The following CDC25B variants were observed in gnomAD, a reference collection of about 807,000 sequenced individuals.
CDC25B encodes cell division cycle 25B.
In CDC25B, 33 loss-of-function variants were observed where a neutral mutation model predicts 69.8. The observed-to-expected ratio is 0.47, with a 90% confidence interval of 0.36 to 0.63. CDC25B has a LOEUF of 0.63. Ranked by LOEUF, CDC25B falls within the 30% of genes least tolerant of loss-of-function variation. The pLI is 0.00. For synonymous variants in CDC25B, 341 were observed against 314.6 expected, an observed-to-expected ratio of 1.08 and a Z score of -0.89; for missense variants, 727 against 809.1, an observed-to-expected ratio of 0.90 and a Z score of 1.23.
In CDC25B at chr20:3,801,362, G is replaced by C; in HGVS notation, c.814G>C (p.Val272Leu). ...GGATACTGAGGAAGATGATGGATTT[G>C]TGGACATCCTAGAGAGTGACTTAAA... ...EGDTEEDDGF[V>L]DILESDLKDD... The change falls in exon 8 of 16, where the codon GTG becomes CTG. Residue 272 changes from valine to leucine, a missense_variant. Transcript: ENST00000245960. 1 of 1,613,656 alleles carries C rather than the reference G, an allele frequency of 6.2e-7. No homozygotes were observed. The highest frequency in any genetic ancestry group is 8.5e-7 in the Non-Finnish European group (1 of 1,179,760).
intron 3 of CDC25B, among the ~76,000 whole-genome samples, 190 bp from the exon 4 acceptor site, chr20:3,800,098 C>G (rs2089218621): frequency 6.6e-6 from 1 of 152,104 alleles, no homozygotes. Context: ...TCCAAGCTGC[C>G]TCTTATCTTC....
chr20:3,792,316 C>A (rs775130183), upstream of CDC25B, among the ~76,000 whole-genome samples: 1 of 151,360 alleles, frequency 6.6e-6, no homozygotes, highest in East Asian at 2.0e-4. Context: ...GGCCATTGAA[C>A]TATTAATTTA....
chr20:3,796,785 C>G (rs2089072646), intron 1 of CDC25B, 54 bp downstream of exon 1: 1 of 1,507,992 alleles, frequency 6.6e-7, no homozygotes, highest in African/African-American at 1.4e-5. Context: ...GTCTGGAGTC[C>G]TGGGCCTCCT....
chr20:3,802,231 T>TG lies in CDC25B; in HGVS notation c.1099-44dup, dbSNP rs749024854. The TG allele has an allele frequency of 5.1e-6, 8 of 1,568,564 alleles. No individual in the cohort carries two copies. In the Admixed American group the frequency reaches 8.4e-5, roughly 16 times the overall value. ...AGGGGGTACCAGCCAGCCAGAGCACTGGGGGGCAGCCCCACCCTGACCCTG... is the reference window on the plus strand; with the variant it reads ...AGGGGGTACCAGCCAGCCAGAGCACTGGGGGGGCAGCCCCACCCTGACCCTG... On this transcript the variant is annotated intron_variant, in intron 10 of 15. Transcript: ENST00000245960.
At chr20:3,797,890 C>A in intron 2 of CDC25B, 141 bp downstream of exon 2, 1 of 1,019,528 alleles carries the variant, frequency 9.8e-7, no homozygotes, top group Non-Finnish European at 1.4e-6. Context: ...CCCCACCCTC[C>A]ACAGAAATGG....
Position 3,805,704 on chromosome 20 carries a change from C to A in CDC25B, c.*743C>A. ...GGGGCTCCCAGGGCAAGGGTTAAGGCCTGAATCATGAGCCTGCTGGAAGCC... is the reference window on the plus strand; with the variant it reads ...GGGGCTCCCAGGGCAAGGGTTAAGGACTGAATCATGAGCCTGCTGGAAGCC... On this transcript the variant is annotated 3_prime_UTR_variant, in exon 16 of 16. Transcript: ENST00000245960. 4 of 403,170 alleles carry A rather than the reference C, an allele frequency of 9.9e-6. No individual in the cohort carries two copies. Among genetic ancestry groups the A allele is most frequent in the Non-Finnish European group, 1.8e-5 (4 of 227,612 alleles). The allele number at this position is 403,170 out of a possible 1,614,324, so 25.0% of individuals were successfully genotyped here.
chr20:3,796,457 C>T lies in CDC25B; in HGVS notation c.-75C>T, dbSNP rs2089053874. On this transcript the variant is annotated 5_prime_UTR_variant, in exon 1 of 16. Coordinates refer to ENST00000245960, the MANE Select transcript of CDC25B (RefSeq NM_021873.4). ...CCCCTCGCCCGCTGCCTCCCTCGGC[C>T]CAGCCAGCTGTGCCGGCGTTTGTTG... is the stretch of plus-strand genomic sequence containing the variant. 10 of 1,133,438 alleles carry T rather than the reference C, an allele frequency of 8.8e-6. No individual in the cohort carries two copies. The South Asian group carries it at 1.5e-4, about 17-fold the overall frequency. 70.2% of individuals were successfully genotyped at this position (1,133,438 alleles called of 1,614,324 possible).
In CDC25B at chr20:3,801,813, G is replaced by A; in HGVS notation, c.921+11G>A. ...AAGGAAGAGGAAAAGGTGGGCCTCT[G>A]GGGTGGCCCCCTCCGAATTTGGAGG... On this transcript the variant is annotated intron_variant, in intron 9 of 15. Coordinates refer to ENST00000245960, the MANE Select transcript of CDC25B (RefSeq NM_021873.4). 6.3e-7 allele frequency: 1 copy of A among 1,593,572 alleles called. No individual in the cohort carries two copies. Among genetic ancestry groups the A allele is most frequent in the East Asian group, 2.2e-5 (1 of 44,792 alleles).
chr20:3,797,986 A>C (rs2089126515), intron 2 of CDC25B, among the ~76,000 whole-genome samples: 1 of 152,332 alleles, frequency 6.6e-6, no homozygotes, highest in African/African-American at 2.4e-5. Flanking sequence ...TACGGAGATG[A>C]GATCTTACCT....
At position 3,803,792 on chromosome 20, in the gene CDC25B, A is replaced by G. The variant is rs952812106; in HGVS notation, c.1490+255A>G. Among the ~76,000 whole-genome samples the G allele has an allele frequency of 1.3e-5, 2 of 152,056 alleles. No homozygotes were observed. Among genetic ancestry groups the G allele is most frequent in the African/African-American group, 4.8e-5 (2 of 41,334 alleles). On this transcript the variant is annotated intron_variant, in intron 14 of 15. Transcript: ENST00000245960. This position sits in a 1 kb window ranked among gnomAD's most constrained non-coding sequence, Gnocchi z 4.9. ...GCCACCCTCAGAAAATTTAGTTCCA[A>G]GTCTCTAGCGGTGTCTTTTCTCGAA... is the stretch of plus-strand genomic sequence containing the variant.
Position 3,800,735 on chromosome 20 carries a change from C to A in CDC25B, c.460-8C>A. The A allele has an allele frequency of 1.2e-6, 2 of 1,607,486 alleles. No homozygotes were observed. Among genetic ancestry groups the A allele is most frequent in the Non-Finnish European group, 1.7e-6 (2 of 1,179,816 alleles). On this transcript the variant is annotated splice_polypyrimidine_tract_variant and splice_region_variant and intron_variant, in intron 5 of 15. Transcript: ENST00000245960. Reference sequence around the variant, plus strand: ...TTCCTCTGCCTGCCGCCCTGCCTGGCTCTCTAGGTGAGGCTGCTGGGCCAC... The same window carrying A: ...TTCCTCTGCCTGCCGCCCTGCCTGGATCTCTAGGTGAGGCTGCTGGGCCAC...
intron 8 of CDC25B, 77 bp downstream of exon 8, chr20:3,801,465 G>A (rs2089281714): frequency 1.5e-5 from 22 of 1,485,214 alleles, no homozygotes; most frequent in Non-Finnish European, 1.9e-5. Flanking sequence ...CTGAGCCCTT[G>A]TGGCAGGACC....
chr20:3,803,470 T>C lies in CDC25B; in HGVS notation c.1423T>C (p.Cys475Arg). Residue 475 changes from cysteine (C) to arginine (R), a missense_variant, in exon 14 of 16, where the codon TGT becomes CGT. Physicochemically the swap from Cys to Arg is radical, Grantham distance 180 (BLOSUM62 -3). Transcript: ENST00000245960. The surrounding 1 kb of genome is among the most constrained non-coding windows in gnomAD (Gnocchi z 4.9). ...CCTACTGAAGAGCCCCATCGCGCCC[T>C]GTAGCCTGGACAAGAGAGTCATCCT... ...SFLLKSPIAP[C>R]SLDKRVILIF... is the part of the protein sequence containing the mutation. The C allele has an allele frequency of 6.2e-7, 1 of 1,613,812 alleles. No individual in the cohort carries two copies. Among genetic ancestry groups the C allele is most frequent in the Non-Finnish European group, 8.5e-7 (1 of 1,179,922 alleles).
intron 3 of CDC25B, 75 bp downstream of exon 3, chr20:3,798,538 C>A (rs2089150593): frequency 8.1e-7 from 1 of 1,234,250 alleles, no homozygotes; most frequent in South Asian, 1.4e-5. Flanking sequence ...ACCATAAATT[C>A]ACCCGGGAGG....
At position 3,790,330 on chromosome 20, in the gene CDC25B, G is replaced by A. The variant is rs114617161; in HGVS notation, c.8+3191G>A. Among the ~76,000 whole-genome samples, 736 of 149,804 alleles carry A rather than the reference G, an allele frequency of 4.9e-3. 5 individuals carry two copies. The highest frequency in any genetic ancestry group is 0.015 in the African/African-American group (603 of 40,716). On this transcript the variant is annotated intron_variant, in intron 1 of 15. Transcript: ENST00000344256. ...AGCATACAATTCACCCATTTAAAGT[G>A]TACAGTTCACAGATGTGCTCAACTG...
In CDC25B at chr20:3,806,038, G is replaced by A. The variant is rs550588792; in HGVS notation, c.*1077G>A. 2.5e-6 allele frequency: 1 copy of A among 398,170 alleles called. No individual in the cohort carries two copies. The highest frequency in any genetic ancestry group is 3.6e-5 in the East Asian group (1 of 28,068). 24.7% of individuals were successfully genotyped at this position (398,170 alleles called of 1,614,324 possible). A position where few individuals can be genotyped will look rare whatever the true frequency, so the allele number is the denominator to read the frequency against. On this transcript the variant is annotated 3_prime_UTR_variant, in exon 16 of 16. Coordinates refer to ENST00000245960, the MANE Select transcript of CDC25B (RefSeq NM_021873.4). ...TCTGGATTCTGAATCTCAAGATGGG[G>A]GCAGGGCTGTGCTTGAAGGCCCTGC... is the stretch of plus-strand genomic sequence containing the variant.
At position 3,797,707 on chromosome 20, in the gene CDC25B, GAATCCTCCCT is replaced by G; in HGVS notation, c.287_296del (p.Glu96GlyfsTer56). ...CCTATCCCTGTCTCGACGGGCATCCGAATCCTCCCTGTCGTCTGAATCCTCCGAATCTTCT... is the reference window on the plus strand; with the variant it reads ...CCTATCCCTGTCTCGACGGGCATCCGGTCGTCTGAATCCTCCGAATCTTCT... On this transcript the variant is annotated frameshift_variant, in exon 2 of 16. Coordinates refer to ENST00000245960, the MANE Select transcript of CDC25B (RefSeq NM_021873.4). LOFTEE classifies it high-confidence loss of function. The G allele has an allele frequency of 6.2e-7, 1 of 1,614,098 alleles. No homozygotes were observed. Among genetic ancestry groups the G allele is most frequent in the Non-Finnish European group, 8.5e-7 (1 of 1,180,002 alleles).
Position 3,803,105 on chromosome 20 carries a change from C to T in CDC25B, c.1258-3C>T, listed in dbSNP as rs1271337379. On this transcript the variant is annotated splice_region_variant and splice_polypyrimidine_tract_variant and intron_variant, in intron 12 of 15. Transcript: ENST00000245960. The surrounding 1 kb of genome is among the most constrained non-coding windows in gnomAD (Gnocchi z 4.9). ...CGGAACCAACCCCCATGACCTCCTA[C>T]AGATGGTGGCCCTATTGACGGGCAA... is the stretch of plus-strand genomic sequence containing the variant. The T allele has an allele frequency of 2.5e-6, 4 of 1,612,900 alleles. No individual in the cohort carries two copies. The Admixed American group carries it at 5.0e-5, about 20-fold the overall frequency.
At chr20:3,788,419 A>G (rs79541729) in intron 1 of CDC25B, among the ~76,000 whole-genome samples, 62 of 152,298 alleles carry the variant, frequency 4.1e-4, no homozygotes, top group African/African-American at 1.4e-3. Flanking sequence ...GTATGTTGCA[A>G]ATGTTTTCTC....
Sources: allele counts gnomAD v4.1 joint callset (sites outside exome capture counted in the v4.1 genomes callset), GRCh38; gene constraint gnomAD v4.1.1; non-coding constraint Gnocchi (gnomAD v3.1); transcripts MANE v1.5; gene names NCBI Gene and HGNC (gene_info 2026-07-23, HGNC 2026-07-21).